The following LYPLAL1 variants were observed in gnomAD, a reference collection of about 807,000 sequenced individuals.
LYPLAL1 encodes the protein lysophospholipase-like protein 1.
A neutral mutation model predicts 19.7 loss-of-function variants in LYPLAL1; 23 were observed. The observed-to-expected ratio is 1.17, with a 90% CI of 0.84 to 1.65. The LOEUF (loss-of-function observed/expected upper bound fraction) is 1.65. Ranked by LOEUF, LYPLAL1 falls within the 40% of genes most tolerant of loss-of-function variation. The pLI is 0.00. For synonymous variants in LYPLAL1, 119 were observed against 96.3 expected, an observed-to-expected ratio of 1.24 and a Z score of -1.38; for missense variants, 355 against 279.4, an observed-to-expected ratio of 1.27 and a Z score of -1.93.
the LYPLAL1 span, among the ~76,000 whole-genome samples, chr1:219,354,235 C>CA: frequency 6.6e-6 from 1 of 152,162 alleles, no homozygotes; most frequent in Non-Finnish European, 1.5e-5. Flanking sequence ...CTTGCTCTGT[C>CA]GCCCAGGCTA....
the LYPLAL1 span, among the ~76,000 whole-genome samples, chr1:219,309,198 C>T: frequency 3.3e-5 from 5 of 152,122 alleles, no homozygotes; most frequent in African/African-American, 9.7e-5. Context: ...TTTTGCAAAA[C>T]CCCTTTGTTA....
At chr1:219,270,194 T>G in the LYPLAL1 span, among the ~76,000 whole-genome samples, 1 of 152,228 alleles carries the variant, frequency 6.6e-6, no homozygotes, top group South Asian at 2.1e-4. Flanking sequence ...TGTTGTTGTT[T>G]GGTGTCAATA....
At chr1:219,201,974 G>A (rs559761918) in intron 3 of LYPLAL1, among the ~76,000 whole-genome samples, 5 of 152,202 alleles carry the variant, frequency 3.3e-5, no homozygotes, top group Non-Finnish European at 7.4e-5. Context: ...TGAACCTCTC[G>A]TATGTATTTG....
the LYPLAL1 span, among the ~76,000 whole-genome samples, chr1:219,229,294 T>TGAGAGAGAGA: frequency 4.4e-3 from 590 of 132,974 alleles, 6 homozygotes; most frequent in African/African-American, 0.012. Flanking sequence ...ACAAGCATTT[T>TGAGAGAGAGA]GAGAGAGAGA....
At chr1:219,264,753 G>T in the LYPLAL1 span, among the ~76,000 whole-genome samples, 1 of 152,164 alleles carries the variant, frequency 6.6e-6, no homozygotes, top group Non-Finnish European at 1.5e-5. Flanking sequence ...TACAATGCCT[G>T]TGTGAGCTCC....
chr1:219,284,803 G>A, the LYPLAL1 span, among the ~76,000 whole-genome samples: 10 of 152,222 alleles, frequency 6.6e-5, no homozygotes, highest in African/African-American at 2.4e-4. Flanking sequence ...GGCCAAGCTC[G>A]TAACCTTTCC....
At chr1:219,178,637 A>T (rs1201482920) in intron 1 of LYPLAL1, among the ~76,000 whole-genome samples, 1 of 152,150 alleles carries the variant, frequency 6.6e-6, no homozygotes, top group African/African-American at 2.4e-5. Flanking sequence ...ACATGTTGTC[A>T]AAATTAAATT....
At chr1:219,283,270 T>G in the LYPLAL1 span, among the ~76,000 whole-genome samples, 1 of 152,156 alleles carries the variant, frequency 6.6e-6, no homozygotes. Flanking sequence ...TAACTTTGAT[T>G]ATAATATAGT....
At chr1:219,210,786 A>C in intron 4 of LYPLAL1, 139 bp downstream of exon 4, 1 of 705,672 alleles carries the variant, frequency 1.4e-6, no homozygotes, top group Admixed American at 3.2e-5. Context: ...CCTGGAATTC[A>C]TGGCCAAATG....
the LYPLAL1 span, among the ~76,000 whole-genome samples, chr1:219,389,734 G>T: frequency 6.6e-6 from 1 of 152,250 alleles, no homozygotes; most frequent in South Asian, 2.1e-4. Context: ...CTCTGAGTCA[G>T]TTATATTAGG....
chr1:219,177,543 T>C (rs1196089997), intron 1 of LYPLAL1, among the ~76,000 whole-genome samples: 1 of 152,186 alleles, frequency 6.6e-6, no homozygotes, highest in Non-Finnish European at 1.5e-5. Flanking sequence ...CTGTTGCTTA[T>C]GTTTCCTGTC....
At chr1:219,387,367 TC>T in the LYPLAL1 span, among the ~76,000 whole-genome samples, 9 of 152,312 alleles carry the variant, frequency 5.9e-5, no homozygotes, top group Admixed American at 5.9e-4. Flanking sequence ...AAACAAAGAC[TC>T]TTGCCCAGAG....
the LYPLAL1 span, among the ~76,000 whole-genome samples, chr1:219,237,469 A>G: frequency 1.3e-5 from 2 of 152,350 alleles, no homozygotes; most frequent in South Asian, 2.1e-4. Flanking sequence ...ATAATGTGAT[A>G]CAAAGTTTCA....
chr1:219,333,579 C>A, the LYPLAL1 span, among the ~76,000 whole-genome samples: 1 of 152,032 alleles, frequency 6.6e-6, no homozygotes, highest in East Asian at 1.9e-4. Flanking sequence ...CTCTATTAAC[C>A]CAAGAGAAAG....
chr1:219,349,682 A>G, the LYPLAL1 span, among the ~76,000 whole-genome samples: 7 of 152,316 alleles, frequency 4.6e-5, no homozygotes, highest in Non-Finnish European at 8.8e-5. Flanking sequence ...TCAAGAGGGC[A>G]GCATGAAAAC....
At chr1:219,424,969 A>G in the LYPLAL1 span, among the ~76,000 whole-genome samples, 10 of 152,222 alleles carry the variant, frequency 6.6e-5, no homozygotes, top group Non-Finnish European at 1.5e-4. Context: ...TAATCCGTAC[A>G]GTAATTGTTA....
downstream of LYPLAL1, among the ~76,000 whole-genome samples, chr1:219,213,706 G>A (rs144680208): frequency 6.6e-6 from 1 of 151,948 alleles, no homozygotes; most frequent in Non-Finnish European, 1.5e-5. Context: ...CAGTTTCCAA[G>A]TGCCCTTTGC....
chr1:219,429,924 C>T, the LYPLAL1 span, among the ~76,000 whole-genome samples: 3 of 152,016 alleles, frequency 2.0e-5, no homozygotes, highest in Non-Finnish European at 2.9e-5. Context: ...TAGAAAGAAC[C>T]CCAAAAGTCC....
the LYPLAL1 span, among the ~76,000 whole-genome samples, chr1:219,273,738 A>G: frequency 8.2e-3 from 1,250 of 152,154 alleles, 10 homozygotes; most frequent in South Asian, 0.017. Context: ...TGTGACTCCT[A>G]CAGTGGTCTT....
Sources: gnomAD v4.1 joint callset for allele counts (sites outside exome capture counted in the v4.1 genomes callset) on GRCh38, gnomAD v4.1.1 for gene constraint, MANE v1.5 for transcripts, NCBI Gene and HGNC (gene_info 2026-07-23, HGNC 2026-07-21) for gene names.